The following SLC24A2 variants were observed in gnomAD, a reference collection of about 807,000 sequenced individuals.
SLC24A2 encodes the protein solute carrier family 24 member 2.
Under a neutral mutation model 62.0 loss-of-function variants are expected in SLC24A2, and 36 were observed. The observed-to-expected ratio is 0.58, with a 90% CI of 0.44 to 0.77. The LOEUF (loss-of-function observed/expected upper bound fraction) is 0.77, where lower values mean the gene tolerates loss of function less well. Ranked by LOEUF, SLC24A2 falls within the 30% of genes least tolerant of loss-of-function variation. The probability of loss-of-function intolerance (pLI) is 0.00; values close to 1 mark genes in which losing one functional copy is unlikely to be tolerated. For synonymous variants in SLC24A2, 358 were observed against 294.0 expected, an observed-to-expected ratio of 1.22 and a Z score of -2.23; for missense variants, 846 against 817.9, an observed-to-expected ratio of 1.03 and a Z score of -0.42.
At chr9:20,030,426 A>G in the SLC24A2 span, among the ~76,000 whole-genome samples, 1 of 152,172 alleles carries the variant, frequency 6.6e-6, no homozygotes, top group Non-Finnish European at 1.5e-5. Flanking sequence ...ACCATGCAGA[A>G]AGGCAGTGTG....
intron 2 of SLC24A2, among the ~76,000 whole-genome samples, chr9:19,706,208 G>C (rs1490470064): frequency 6.6e-6 from 1 of 151,124 alleles, no homozygotes; most frequent in Non-Finnish European, 1.5e-5. Context: ...TGTCTCTTTT[G>C]ATCTTTGTTG....
chr9:20,074,691 A>G, the SLC24A2 span, among the ~76,000 whole-genome samples: 2 of 151,822 alleles, frequency 1.3e-5, no homozygotes, highest in African/African-American at 4.8e-5. Flanking sequence ...TGCTTTATTC[A>G]GGTCTCTTTC....
chr9:20,303,159 A>T, the SLC24A2 span, among the ~76,000 whole-genome samples: 2 of 152,160 alleles, frequency 1.3e-5, no homozygotes, highest in Admixed American at 6.5e-5. Flanking sequence ...ATTCATCATA[A>T]GGCTGCTGCC....
intron 4 of SLC24A2, among the ~76,000 whole-genome samples, chr9:19,611,524 TG>T (rs1207595870): frequency 6.6e-6 from 1 of 151,392 alleles, no homozygotes; most frequent in East Asian, 1.9e-4. Context: ...GCAGGGGTTC[TG>T]GGGCCGCTGT....
At chr9:19,542,005 A>C (rs532513748) in intron 8 of SLC24A2, among the ~76,000 whole-genome samples, 111 of 152,254 alleles carry the variant, frequency 7.3e-4, no homozygotes, top group Non-Finnish European at 1.3e-3. Flanking sequence ...TTGACTCGGA[A>C]AGGGAACTCC....
chr9:19,509,571 A>G lies in SLC24A2; in HGVS notation c.*6582T>C, dbSNP rs1157492423. The G allele has an allele frequency of 1.3e-5, 2 of 152,190 alleles. No homozygotes were observed. The highest frequency in any genetic ancestry group is 6.5e-5 in the Admixed American group (1 of 15,268). The allele number at this position is 152,190 out of a possible 1,614,324, so 9.4% of individuals were successfully genotyped here. The stretch of plus-strand genomic sequence containing the variant: ...CAATATTAAAAAATTAAAAAACCCA[A>G]AAGGCATCCATTGTCCTTCAGTTTT... On this transcript the variant is annotated 3_prime_UTR_variant, in exon 11 of 11. Transcript: ENST00000341998.
chr9:20,230,193 T>C, the SLC24A2 span, among the ~76,000 whole-genome samples: 16 of 152,214 alleles, frequency 1.1e-4, no homozygotes, highest in African/African-American at 3.9e-4. Flanking sequence ...ACTATAAACA[T>C]ACGTGTGCAT....
intron 2 of SLC24A2, among the ~76,000 whole-genome samples, chr9:19,662,078 C>A (rs1368691702): frequency 1.3e-5 from 2 of 152,170 alleles, no homozygotes; most frequent in Non-Finnish European, 2.9e-5. Flanking sequence ...GATCTCTAGA[C>A]AACTGCTGTC....
chr9:19,749,100 A>G (rs752128919), intron 2 of SLC24A2, among the ~76,000 whole-genome samples: 1 of 149,046 alleles, frequency 6.7e-6, no homozygotes, highest in Non-Finnish European at 1.5e-5. Context: ...CATTCTAGAT[A>G]CCGACCCAAG....
the SLC24A2 span, among the ~76,000 whole-genome samples, chr9:19,896,762 T>A: frequency 2.6e-5 from 4 of 152,218 alleles, no homozygotes; most frequent in African/African-American, 9.7e-5. Flanking sequence ...ATTACAGGTG[T>A]TACTTAGCTT....
At chr9:20,129,952 C>CAG in the SLC24A2 span, among the ~76,000 whole-genome samples, 1 of 151,200 alleles carries the variant, frequency 6.6e-6, no homozygotes, top group Non-Finnish European at 1.5e-5. Flanking sequence ...CACACACACA[C>CAG]ACACACACAC....
chr9:20,290,914 A>G, the SLC24A2 span, among the ~76,000 whole-genome samples: 21 of 152,336 alleles, frequency 1.4e-4, no homozygotes, highest in African/African-American at 4.8e-4. Context: ...TGGACCACCT[A>G]GCATTGACCC....
the SLC24A2 span, among the ~76,000 whole-genome samples, chr9:20,095,573 C>G: frequency 6.6e-6 from 1 of 152,026 alleles, no homozygotes; most frequent in Non-Finnish European, 1.5e-5. Flanking sequence ...TTTTCTACTT[C>G]CAGACTCAAA....
At chr9:19,796,063 T>C in the SLC24A2 span, among the ~76,000 whole-genome samples, 7 of 140,728 alleles carry the variant, frequency 5.0e-5, no homozygotes, top group Non-Finnish European at 9.0e-5. Context: ...TAGGTGGGAA[T>C]TGAACCATGA....
chr9:20,297,419 G>C, the SLC24A2 span, among the ~76,000 whole-genome samples: 1 of 152,208 alleles, frequency 6.6e-6, no homozygotes, highest in East Asian at 1.9e-4. Context: ...GCAGTTTGAA[G>C]GCCAAGGGGA....
intron 2 of SLC24A2, among the ~76,000 whole-genome samples, chr9:19,746,722 T>G (rs1316693625): frequency 6.6e-6 from 1 of 152,104 alleles, no homozygotes; most frequent in Non-Finnish European, 1.5e-5. Flanking sequence ...TAAAGAAAAT[T>G]CATGGGCAGG....
chr9:20,126,599 T>C, the SLC24A2 span, among the ~76,000 whole-genome samples: 1 of 152,194 alleles, frequency 6.6e-6, no homozygotes, highest in African/African-American at 2.4e-5. Flanking sequence ...CTTTCATCCT[T>C]ACCCCAAAGT....
intron 2 of SLC24A2, among the ~76,000 whole-genome samples, chr9:19,724,280 A>T (rs1032797020): frequency 1.3e-5 from 2 of 152,190 alleles, no homozygotes; most frequent in African/African-American, 2.4e-5. Flanking sequence ...GATGTTGCTC[A>T]ATCAGACTTA....
At chr9:20,068,037 ACAT>A in the SLC24A2 span, among the ~76,000 whole-genome samples, 1 of 149,420 alleles carries the variant, frequency 6.7e-6, no homozygotes, top group Non-Finnish European at 1.5e-5. Flanking sequence ...AACCTCACCA[ACAT>A]CTGTTATTTT....
Sources: allele counts gnomAD v4.1 joint callset (sites outside exome capture counted in the v4.1 genomes callset), GRCh38; gene constraint gnomAD v4.1.1; transcripts MANE v1.5; gene names NCBI Gene and HGNC (gene_info 2026-07-23, HGNC 2026-07-21).